STK3: variants seen among roughly 807,000 people sequenced by gnomAD.
The protein encoded by STK3 is serine/threonine kinase 3.
In STK3, 41 loss-of-function variants were observed where a neutral mutation model predicts 58.0. That is an observed-to-expected ratio of 0.71 (90% CI 0.55 to 0.92). The LOEUF is 0.92. Ranked by LOEUF, STK3 falls within the 40% of genes least tolerant of loss-of-function variation. STK3 has a pLI of 0.00. For missense variants in STK3, 479 were observed against 602.7 expected (o/e 0.79, Z 2.15); for synonymous variants, 170 against 191.0 (o/e 0.89, Z 0.91).
intron 3 of STK3, among the ~76,000 whole-genome samples, chr8:98,754,740 C>T (rs1214850857): frequency 6.6e-6 from 1 of 152,038 alleles, no homozygotes; most frequent in Non-Finnish European, 1.5e-5. Flanking sequence ...GAACTCCTGG[C>T]CTCATGTGTT....
chr8:98,356,439 G>A, the STK3 span, among the ~76,000 whole-genome samples: 1 of 152,140 alleles, frequency 6.6e-6, no homozygotes, highest in East Asian at 1.9e-4. Context: ...AAAGGACAGA[G>A]GCCAGGGTAG....
At chr8:98,429,910 A>G (rs1351664021) in intron 3 of STK3, 2 of 168,212 alleles carry the variant, frequency 1.2e-5, no homozygotes, top group Admixed American at 6.5e-5. Flanking sequence ...CTCTTTATCC[A>G]TTGCTTTCAC....
At chr8:98,723,040 T>C in intron 4 of STK3, 1 of 326,470 alleles carries the variant, frequency 3.1e-6, no homozygotes, top group Non-Finnish European at 6.0e-6. Context: ...AACAGAATAC[T>C]TCATTTGTGG....
chr8:98,354,774 G>A, the STK3 span, among the ~76,000 whole-genome samples: 1 of 152,092 alleles, frequency 6.6e-6, no homozygotes, highest in Non-Finnish European at 1.5e-5. Flanking sequence ...GCAGGAGTGT[G>A]AGTATTTCTT....
chr8:98,424,565 G>C (rs1245648366), intron 3 of STK3, among the ~76,000 whole-genome samples: 1 of 152,182 alleles, frequency 6.6e-6, no homozygotes. Flanking sequence ...GGGTGGCCGT[G>C]GGTGTGGAAG....
At chr8:98,531,211 G>A (rs545352063) in intron 9 of STK3, among the ~76,000 whole-genome samples, 13 of 152,278 alleles carry the variant, frequency 8.5e-5, no homozygotes, top group Admixed American at 3.9e-4. Context: ...CATTATTTAT[G>A]GCAGATATTG....
At chr8:98,591,466 T>G (rs1163585136) in intron 7 of STK3, among the ~76,000 whole-genome samples, 1 of 152,212 alleles carries the variant, frequency 6.6e-6, no homozygotes, top group Non-Finnish European at 1.5e-5. Flanking sequence ...CTAACTCCAT[T>G]GTAAGTTAAG....
intron 10 of STK3, among the ~76,000 whole-genome samples, chr8:98,492,912 G>A (rs1174249155): frequency 6.6e-6 from 1 of 151,740 alleles, no homozygotes; most frequent in East Asian, 1.9e-4. Context: ...TCCAATTCCT[G>A]CCATTAGCTC....
intron 1 of STK3, among the ~76,000 whole-genome samples, chr8:98,888,682 A>G (rs1838084079): frequency 1.3e-5 from 2 of 152,346 alleles, no homozygotes; most frequent in South Asian, 4.1e-4. Context: ...AAAATGCAGT[A>G]ATTTTCTTTA....
chr8:98,742,843 C>T (rs903994351), intron 4 of STK3, among the ~76,000 whole-genome samples: 1 of 151,972 alleles, frequency 6.6e-6, no homozygotes, highest in Non-Finnish European at 1.5e-5. Context: ...ATTGTCTTAG[C>T]CCAAAATCTC....
chr8:98,838,504 G>C (rs1835834465), intron 3 of STK3, among the ~76,000 whole-genome samples: 1 of 152,120 alleles, frequency 6.6e-6, no homozygotes, highest in South Asian at 2.1e-4. Context: ...TTGGAAAACA[G>C]GGCAATGAGG....
chr8:98,916,630 G>C (rs1246628993), intron 1 of STK3, among the ~76,000 whole-genome samples: 1 of 152,146 alleles, frequency 6.6e-6, no homozygotes, highest in South Asian at 2.1e-4. Context: ...ACATGACCAT[G>C]AGTAGCAGCA....
chr8:98,743,585 C>A (rs1372591215), intron 4 of STK3, among the ~76,000 whole-genome samples: 1 of 152,138 alleles, frequency 6.6e-6, no homozygotes, highest in African/African-American at 2.4e-5. Flanking sequence ...AAAATTAATT[C>A]AAGATGGATT....
intron 1 of STK3, chr8:98,782,666 T>A (rs1407038322): frequency 1.8e-5 from 3 of 164,966 alleles, no homozygotes; most frequent in Non-Finnish European, 1.3e-5. Flanking sequence ...GTGGTCTTGG[T>A]GATTATACAG....
At chr8:98,903,807 A>T (rs1838778634) in intron 1 of STK3, among the ~76,000 whole-genome samples, 1 of 152,086 alleles carries the variant, frequency 6.6e-6, no homozygotes, top group Non-Finnish European at 1.5e-5. Context: ...TAGTTTGTAG[A>T]TTTACTGCAG....
chr8:98,668,147 T>G (rs543416569), intron 6 of STK3, among the ~76,000 whole-genome samples: 1 of 152,266 alleles, frequency 6.6e-6, no homozygotes, highest in African/African-American at 2.4e-5. Flanking sequence ...TGTTTAAGAT[T>G]CTTTCAGAAT....
At chr8:98,657,208 T>C (rs916972835) in intron 6 of STK3, among the ~76,000 whole-genome samples, 4 of 152,050 alleles carry the variant, frequency 2.6e-5, no homozygotes, top group African/African-American at 9.7e-5. Context: ...CACCCATATA[T>C]AGTGCTTTCT....
intron 2 of STK3, among the ~76,000 whole-genome samples, chr8:98,373,052 G>A (rs1817627576): frequency 6.6e-6 from 1 of 152,178 alleles, no homozygotes; most frequent in Non-Finnish European, 1.5e-5. Context: ...ACTGTAGGAG[G>A]GGAAAGACAG....
chr8:98,770,745 T>C (rs1221027523), intron 2 of STK3, among the ~76,000 whole-genome samples: 1 of 152,172 alleles, frequency 6.6e-6, no homozygotes, highest in Non-Finnish European at 1.5e-5. Flanking sequence ...ATGACAAATA[T>C]GCCAACAGTG....
Sources: gnomAD v4.1 joint callset for allele counts (sites outside exome capture counted in the v4.1 genomes callset) on GRCh38, gnomAD v4.1.1 for gene constraint, MANE v1.5 for transcripts, NCBI Gene and HGNC (gene_info 2026-07-23, HGNC 2026-07-21) for gene names.